Variants in LRRC28 observed in about 807,000 individuals in gnomAD.
LRRC28 encodes the protein leucine-rich repeat-containing protein 28.
In LRRC28, 39 loss-of-function variants were observed where a neutral mutation model predicts 45.7. That is an observed-to-expected ratio of 0.85 (90% CI 0.66 to 1.12). LRRC28 has a LOEUF of 1.12. LRRC28 is among the 50% of genes most tolerant of loss of function. LRRC28 has a pLI of 0.00. For synonymous variants in LRRC28, 206 were observed against 178.8 expected (o/e 1.15, Z -1.22); for missense variants, 435 against 438.5 (o/e 0.99, Z 0.07).
At chr15:99,285,715 G>A (rs553679012) in intron 3 of LRRC28, 3 of 564,118 alleles carry the variant, frequency 5.3e-6, no homozygotes, top group Admixed American at 5.8e-5. Flanking sequence ...AATCATAATA[G>A]TGGGTACTTT....
intron 2 of LRRC28, chr15:99,259,376 TTC>T: frequency 1.3e-6 from 2 of 1,554,564 alleles, no homozygotes; most frequent in Non-Finnish European, 8.9e-7. Context: ...TGGGAAGAGG[TTC>T]CAGAATGTTG....
chr15:99,351,317 C>T (rs1956871321), intron 6 of LRRC28, among the ~76,000 whole-genome samples: 2 of 152,182 alleles, frequency 1.3e-5, no homozygotes, highest in Admixed American at 1.3e-4. Flanking sequence ...GAATCTCCAT[C>T]CGTACTTTCA....
intron 5 of LRRC28, among the ~76,000 whole-genome samples, chr15:99,305,848 G>A (rs1208966401): frequency 6.6e-6 from 1 of 152,096 alleles, no homozygotes; most frequent in Non-Finnish European, 1.5e-5. Context: ...TCTACATAAA[G>A]TATGTTAGTA....
intron 2 of LRRC28, among the ~76,000 whole-genome samples, chr15:99,273,458 T>C (rs187274867): frequency 4.6e-5 from 7 of 152,234 alleles, no homozygotes; most frequent in East Asian, 3.9e-4. Flanking sequence ...AGGATGGTCT[T>C]GATCTGCTGA....
intron 9 of LRRC28, among the ~76,000 whole-genome samples, chr15:99,378,150 T>C (rs564420638): frequency 1.3e-3 from 201 of 152,292 alleles, no homozygotes; most frequent in African/African-American, 4.0e-3. Flanking sequence ...GCCATTTTCA[T>C]GATATTGATT....
chr15:99,324,514 G>C (rs1955905465), intron 5 of LRRC28, among the ~76,000 whole-genome samples: 1 of 151,968 alleles, frequency 6.6e-6, no homozygotes, highest in South Asian at 2.1e-4. Flanking sequence ...GTGTGGAGTG[G>C]GTGGCTTCCT....
chr15:99,380,113 A>T (rs560045552), intron 9 of LRRC28, among the ~76,000 whole-genome samples: 1 of 152,254 alleles, frequency 6.6e-6, no homozygotes, highest in East Asian at 1.9e-4. Flanking sequence ...TGTCTCGTTG[A>T]TCTGTCTAAT....
intron 2 of LRRC28, among the ~76,000 whole-genome samples, chr15:99,272,846 G>T (rs1336406451): frequency 1.3e-5 from 2 of 152,116 alleles, no homozygotes. Flanking sequence ...GGTAATAATA[G>T]ATTTGAGAAG....
At chr15:99,276,769 AC>A (rs1054958742) in intron 3 of LRRC28, among the ~76,000 whole-genome samples, 153 bp downstream of exon 3, 4 of 152,156 alleles carry the variant, frequency 2.6e-5, no homozygotes, top group Admixed American at 6.6e-5. Context: ...GTTCTACTAA[AC>A]CCAATAGTAT....
At chr15:99,308,487 A>G (rs888362534) in intron 5 of LRRC28, among the ~76,000 whole-genome samples, 1 of 152,126 alleles carries the variant, frequency 6.6e-6, no homozygotes, top group African/African-American at 2.4e-5. Flanking sequence ...GCAACATAGT[A>G]AGACCTTGTC....
chr15:99,263,270 C>T (rs1445896516), intron 2 of LRRC28, among the ~76,000 whole-genome samples: 2 of 140,232 alleles, frequency 1.4e-5, no homozygotes, highest in Non-Finnish European at 1.5e-5. Context: ...AGTGAGCCAA[C>T]ATCACGCCAC....
At chr15:99,311,780 C>A (rs1955421724) in intron 5 of LRRC28, among the ~76,000 whole-genome samples, 2 of 152,166 alleles carry the variant, frequency 1.3e-5, no homozygotes, top group Admixed American at 1.3e-4. Flanking sequence ...AAATGTGCCA[C>A]CCCTGCTCTA....
intron 2 of LRRC28, among the ~76,000 whole-genome samples, chr15:99,266,529 A>G (rs1447185292): frequency 6.6e-6 from 1 of 152,166 alleles, no homozygotes; most frequent in Admixed American, 6.5e-5. Context: ...TGTTGGAGAC[A>G]GTTAGGAGAA....
intron 2 of LRRC28, chr15:99,259,611 C>G (rs777029495): frequency 6.7e-7 from 1 of 1,497,542 alleles, no homozygotes. Flanking sequence ...AAAGCACAAG[C>G]GTACCAAACG....
chr15:99,315,853 G>C (rs1016923109), intron 5 of LRRC28, among the ~76,000 whole-genome samples: 2 of 152,142 alleles, frequency 1.3e-5, no homozygotes, highest in African/African-American at 4.8e-5. Context: ...CCAGGATATA[G>C]TGAGTCGTAC....
intron 5 of LRRC28, among the ~76,000 whole-genome samples, chr15:99,288,410 T>C (rs980236457): frequency 7.1e-6 from 1 of 141,250 alleles, no homozygotes; most frequent in Admixed American, 7.8e-5. Flanking sequence ...TGAGATAGAG[T>C]CTTGCCCTGT....
At chr15:99,299,219 A>G (rs2082337884) in intron 5 of LRRC28, among the ~76,000 whole-genome samples, 1 of 152,256 alleles carries the variant, frequency 6.6e-6, no homozygotes, top group Admixed American at 6.5e-5. Flanking sequence ...ATACGTTAAC[A>G]AAGATAGCAT....
At chr15:99,328,144 T>C (rs1251221085) in intron 5 of LRRC28, among the ~76,000 whole-genome samples, 1 of 152,234 alleles carries the variant, frequency 6.6e-6, no homozygotes, top group Non-Finnish European at 1.5e-5. Flanking sequence ...CTGGAGAATA[T>C]ACCATGTGCA....
chr15:99,348,682 G>A lies in LRRC28; in HGVS notation c.593-3687G>A, dbSNP rs565669582. Among the ~76,000 whole-genome samples, 14 of 151,312 alleles carry A rather than the reference G, an allele frequency of 9.3e-5. No homozygotes were observed. In the South Asian group the frequency reaches 1.9e-3, roughly 20 times the overall value. Reference sequence around the variant, plus strand: ...TTGTAAAATAATTTTAAATCAGGAAGTGAGATGCCTCCAGTTTTATTTTTC... The same window carrying A: ...TTGTAAAATAATTTTAAATCAGGAAATGAGATGCCTCCAGTTTTATTTTTC... On this transcript the variant is annotated intron_variant, in intron 6 of 9. Coordinates refer to ENST00000301981, the MANE Select transcript of LRRC28 (RefSeq NM_144598.5).
Sources: allele counts gnomAD v4.1 joint callset (sites outside exome capture counted in the v4.1 genomes callset), GRCh38; gene constraint gnomAD v4.1.1; transcripts MANE v1.5; gene names NCBI Gene and HGNC (gene_info 2026-07-23, HGNC 2026-07-21).